HCN4: variants seen among roughly 807,000 people sequenced by gnomAD.
HCN4 encodes the protein hyperpolarization activated cyclic nucleotide gated potassium channel 4.
A neutral mutation model predicts 76.9 loss-of-function variants in HCN4; 29 were observed. The observed-to-expected ratio is 0.38, with a 90% CI of 0.28 to 0.51. HCN4 has a LOEUF of 0.51. Among genes scored for constraint, HCN4 ranks in the 20% least tolerant of loss-of-function variants. The probability of loss-of-function intolerance (pLI) is 0.90; values close to 1 mark genes in which losing one functional copy is unlikely to be tolerated. For missense variants in HCN4, 1,416 were observed against 1,715.2 expected (o/e 0.83, Z 3.08); for synonymous variants, 772 against 762.5 (o/e 1.01, Z -0.21).
At chr15:73,344,949 T>C (rs2043023499) in intron 1 of HCN4, among the ~76,000 whole-genome samples, 1 of 152,208 alleles carries the variant, frequency 6.6e-6, no homozygotes, top group South Asian at 2.1e-4. Flanking sequence ...CTGCTATTAA[T>C]TTAGACATTT....
In HCN4 at chr15:73,343,375, G is replaced by T; in HGVS notation, c.1209+10C>A. The T allele has an allele frequency of 6.2e-7, 1 of 1,613,544 alleles. No individual in the cohort carries two copies. Among genetic ancestry groups the T allele is most frequent in the Non-Finnish European group, 8.5e-7 (1 of 1,179,740 alleles). The stretch of plus-strand genomic sequence containing the variant: ...GCCTTTCCCCCAAGAGGTTTGCACT[G>T]ACCACTTACCTCTTCCCACTGGTGA... On this transcript the variant is annotated intron_variant, in intron 2 of 7. Coordinates refer to ENST00000261917, the MANE Select transcript of HCN4 (RefSeq NM_005477.3). The surrounding 1 kb of genome is among the most constrained non-coding windows in gnomAD (Gnocchi z 5.7).
chr15:73,361,435 G>A (rs2151226400), intron 1 of HCN4, among the ~76,000 whole-genome samples: 1 of 152,310 alleles, frequency 6.6e-6, no homozygotes, highest in Non-Finnish European at 1.5e-5. Flanking sequence ...CTCTCTGTCT[G>A]GGAAACGTGA....
chr15:73,367,166 G>A lies in HCN4; in HGVS notation c.785+320C>T, dbSNP rs150722554. 6.6e-6 allele frequency among the ~76,000 whole-genome samples: 1 copy of A among 152,226 alleles called. No individual in the cohort carries two copies. Among genetic ancestry groups the A allele is most frequent in the Middle Eastern group, 3.2e-3 (1 of 316 alleles). ...CCATCCTGACTCTGCAGCCTTGAAG[G>A]GGGAGGAGGAATATGTGGCTTAAGG... On this transcript the variant is annotated intron_variant, in intron 1 of 7. Coordinates refer to ENST00000261917, the MANE Select transcript of HCN4 (RefSeq NM_005477.3). This position sits in a 1 kb window ranked among gnomAD's most constrained non-coding sequence, Gnocchi z 7.5.
chr15:73,351,254 G>A (rs984410744), intron 1 of HCN4, among the ~76,000 whole-genome samples: 1 of 151,814 alleles, frequency 6.6e-6, no homozygotes. Context: ...GCTCCTTGGG[G>A]CCCTCATCTC....
In HCN4 at chr15:73,343,293, C is replaced by A; in HGVS notation, c.1209+92G>T. ...AGGTGTGCCTGCCACAATCTGACAGCCTATGTTCAATTATCTGAGGTTCCC... is the reference window on the plus strand; with the variant it reads ...AGGTGTGCCTGCCACAATCTGACAGACTATGTTCAATTATCTGAGGTTCCC... On this transcript the variant is annotated intron_variant, in intron 2 of 7. Transcript: ENST00000261917. The surrounding 1 kb of genome is among the most constrained non-coding windows in gnomAD (Gnocchi z 5.7). The A allele has an allele frequency of 2.4e-6, 3 of 1,260,630 alleles. No individual in the cohort carries two copies. The highest frequency in any genetic ancestry group is 2.3e-6 in the Non-Finnish European group (2 of 878,382). The allele number at this position is 1,260,630 out of a possible 1,614,324, so 78.1% of individuals were successfully genotyped here. A position where few individuals can be genotyped will look rare whatever the true frequency, so the allele number is the denominator to read the frequency against.
intron 1 of HCN4, among the ~76,000 whole-genome samples, chr15:73,357,820 T>C (rs1216848511): frequency 6.6e-6 from 1 of 151,898 alleles, no homozygotes; most frequent in Non-Finnish European, 1.5e-5. Flanking sequence ...AGGTAAGAGA[T>C]CTTCCACGTG....
At chr15:73,362,509 G>A (rs543044126) in intron 1 of HCN4, among the ~76,000 whole-genome samples, 16 of 152,332 alleles carry the variant, frequency 1.1e-4, no homozygotes, top group Admixed American at 3.3e-4. Flanking sequence ...CGGGTGAGTC[G>A]GATGACATTA....
In HCN4 at chr15:73,328,612, G is replaced by A. The variant is rs540785362; in HGVS notation, c.1590+961C>T. 6.6e-5 allele frequency among the ~76,000 whole-genome samples: 10 copies of A among 152,166 alleles called. No homozygotes were observed. Among genetic ancestry groups the A allele is most frequent in the South Asian group, 2.1e-4 (1 of 4,822 alleles). On this transcript the variant is annotated intron_variant, in intron 4 of 7. Transcript: ENST00000261917. The surrounding 1 kb of genome is among the most constrained non-coding windows in gnomAD (Gnocchi z 4.0). Reference sequence around the variant, plus strand: ...CAGCCTGATGCCCAGTACCACCCCCGCCCTGCAGATGAGGAAACGGGGCCT... The same window carrying A: ...CAGCCTGATGCCCAGTACCACCCCCACCCTGCAGATGAGGAAACGGGGCCT...
At chr15:73,357,506 G>T (rs952410320) in intron 1 of HCN4, among the ~76,000 whole-genome samples, 20 of 152,156 alleles carry the variant, frequency 1.3e-4, no homozygotes, top group African/African-American at 4.8e-4. Flanking sequence ...CTCTTCTGAG[G>T]CCAGGTCTGA....
Position 73,368,144 on chromosome 15 carries a change from G to A in HCN4, c.127C>T (p.Pro43Ser). 2.6e-6 allele frequency: 4 copies of A among 1,521,634 alleles called. No individual in the cohort carries two copies. The highest frequency in any genetic ancestry group is 3.5e-6 in the Non-Finnish European group (4 of 1,136,334). The allele number at this position is 1,521,634 out of a possible 1,614,324, so 94.3% of individuals were successfully genotyped here. ...CGCAGCCGGATGCTCCTGCGGCTGG[G>A]GTCTTGGCGGCCCCCGGCCCCCTCC... ...EEEGAGGRQD[P>S]SRRSIRLRPL... Residue 43 changes from proline to serine, a missense_variant, in exon 1 of 8, where the codon CCC (proline) becomes TCC (serine). Coordinates refer to ENST00000261917, the MANE Select transcript of HCN4 (RefSeq NM_005477.3). This position sits in a 1 kb window ranked among gnomAD's most constrained non-coding sequence, Gnocchi z 6.9.
intron 1 of HCN4, among the ~76,000 whole-genome samples, chr15:73,354,919 G>A (rs1015129769): frequency 4.6e-5 from 7 of 152,158 alleles, no homozygotes; most frequent in Non-Finnish European, 7.3e-5. Flanking sequence ...ACCCCACAGC[G>A]GAGCTGAAAA....
chr15:73,323,329 CGGA>C lies in HCN4; in HGVS notation c.2761_2763del (p.Ser921del), dbSNP rs1313245625. On this transcript the variant is annotated inframe_deletion, in exon 8 of 8. Transcript: ENST00000261917. ...TGCAGCGGGGTGAGCAGGGGAGAGT[CGGA>C]GGAGGACAGGGAGCCACCCAGCGCC... The C allele has an allele frequency of 1.9e-6, 3 of 1,561,402 alleles. No homozygotes were observed. The highest frequency in any genetic ancestry group is 1.9e-5 in the Admixed American group (1 of 52,100).
chr15:73,351,706 C>T (rs114472044), intron 1 of HCN4, among the ~76,000 whole-genome samples: 3,542 of 152,274 alleles, frequency 0.023, 120 homozygotes, highest in African/African-American at 0.078. Flanking sequence ...CGACTCTCCA[C>T]ACTTTGCTAA....
At chr15:73,366,421 A>G (rs2043128619) in intron 1 of HCN4, among the ~76,000 whole-genome samples, 1 of 152,184 alleles carries the variant, frequency 6.6e-6, no homozygotes, top group Non-Finnish European at 1.5e-5. Flanking sequence ...CCAGAGAAAG[A>G]GAGAATGAGA....
At position 73,368,163 on chromosome 15, in the gene HCN4, C is replaced by T. The variant is rs1737528465; in HGVS notation, c.108G>A (p.Gly36=). The T allele has an allele frequency of 6.5e-7, 1 of 1,528,282 alleles. No individual in the cohort carries two copies. Among genetic ancestry groups the T allele is most frequent in the Non-Finnish European group, 8.8e-7 (1 of 1,138,874 alleles). 94.7% of individuals were successfully genotyped at this position (1,528,282 alleles called of 1,614,324 possible). Residue 36 remains glycine, a synonymous_variant, in exon 1 of 8, where the codon GGG becomes GGA. Coordinates refer to ENST00000261917, the MANE Select transcript of HCN4 (RefSeq NM_005477.3). The surrounding 1 kb of genome is among the most constrained non-coding windows in gnomAD (Gnocchi z 6.9). The part of the protein sequence containing the change: ...MDEEEDAEEE[G]AGGRQDPSRR... ...GGCTGGGGTCTTGGCGGCCCCCGGC[C>T]CCCTCCTCCTCGGCGTCCTCTTCCT... is the stretch of plus-strand genomic sequence containing the variant.
In HCN4 at chr15:73,322,353, G is replaced by A; in HGVS notation, c.*128C>T. The A allele has an allele frequency of 1.2e-6, 1 of 816,948 alleles. No homozygotes were observed. The highest frequency in any genetic ancestry group is 2.0e-6 in the Non-Finnish European group (1 of 502,392). 50.6% of individuals were successfully genotyped at this position (816,948 alleles called of 1,614,324 possible). ...ACCTGGTTATTTTCTGCTGTCTTTTGTTTTTCTGGTGTGTGTGGTTTTTTA... is the reference window on the plus strand; with the variant it reads ...ACCTGGTTATTTTCTGCTGTCTTTTATTTTTCTGGTGTGTGTGGTTTTTTA... On this transcript the variant is annotated 3_prime_UTR_variant, in exon 8 of 8. Coordinates refer to ENST00000261917, the MANE Select transcript of HCN4 (RefSeq NM_005477.3).
intron 1 of HCN4, among the ~76,000 whole-genome samples, chr15:73,359,113 C>G (rs1203144697): frequency 6.6e-6 from 1 of 152,256 alleles, no homozygotes; most frequent in African/African-American, 2.4e-5. Context: ...TAGACAGACA[C>G]AAAATCATCA....
At position 73,322,368 on chromosome 15, in the gene HCN4, GT is replaced by G; in HGVS notation, c.*112del. Reference sequence around the variant, plus strand: ...GCTGTCTTTTGTTTTTCTGGTGTGTGTGGTTTTTTAAATAATTATTACTGTT... The same window carrying G: ...GCTGTCTTTTGTTTTTCTGGTGTGTGGGTTTTTTAAATAATTATTACTGTT... On this transcript the variant is annotated 3_prime_UTR_variant, in exon 8 of 8. Coordinates refer to ENST00000261917, the MANE Select transcript of HCN4 (RefSeq NM_005477.3). 2 of 931,324 alleles carry G rather than the reference GT, an allele frequency of 2.1e-6. No individual in the cohort carries two copies. Among genetic ancestry groups the G allele is most frequent in the South Asian group, 1.4e-5 (1 of 70,430 alleles). 57.7% of individuals were successfully genotyped at this position (931,324 alleles called of 1,614,324 possible).
Position 73,324,073 on chromosome 15 carries a change from G to C in HCN4, c.2143+16C>G. 6.2e-7 allele frequency: 1 copy of C among 1,610,240 alleles called. No individual in the cohort carries two copies. Among genetic ancestry groups the C allele is most frequent in the South Asian group, 1.1e-5 (1 of 90,974 alleles). On this transcript the variant is annotated intron_variant, in intron 7 of 7. Transcript: ENST00000261917. ...AACACCCCCCACCTGCCCCGCCTGTGGCCCCTCCCCCTCACCAATGCGGTC... is the reference window on the plus strand; with the variant it reads ...AACACCCCCCACCTGCCCCGCCTGTCGCCCCTCCCCCTCACCAATGCGGTC...
Sources: gnomAD v4.1 joint callset for allele counts (sites outside exome capture counted in the v4.1 genomes callset) on GRCh38, gnomAD v4.1.1 for gene constraint, Gnocchi (gnomAD v3.1) non-coding constraint, MANE v1.5 for transcripts, NCBI Gene and HGNC (gene_info 2026-07-23, HGNC 2026-07-21) for gene names.